The following KCNT2 variants were observed in gnomAD, a reference collection of about 807,000 sequenced individuals.
KCNT2 encodes the protein potassium channel subfamily T member 2.
Under a neutral mutation model 153.8 loss-of-function variants are expected in KCNT2, and 67 were observed. That is an observed-to-expected ratio of 0.44 (90% confidence interval 0.36 to 0.53). The LOEUF (loss-of-function observed/expected upper bound fraction) is 0.53. KCNT2 is among the 20% of genes least tolerant of loss of function. KCNT2 has a pLI of 0.00. For synonymous variants in KCNT2, 500 were observed against 458.8 expected (o/e 1.09, Z -1.15); for missense variants, 975 against 1,354.8 (o/e 0.72, Z 4.40).
intron 12 of KCNT2, among the ~76,000 whole-genome samples, chr1:196,411,529 T>C (rs1672338869): frequency 6.6e-6 from 1 of 151,434 alleles, no homozygotes; most frequent in African/African-American, 2.4e-5. Context: ...TTTCCATTTA[T>C]TTATGTCTCC....
chr1:196,398,681 T>A lies in KCNT2; in HGVS notation c.1186-10A>T. On this transcript the variant is annotated splice_polypyrimidine_tract_variant and intron_variant, in intron 12 of 27. Transcript: ENST00000294725. The stretch of plus-strand genomic sequence containing the variant: ...AAATTGTTTGGTGATCCTGAAGTGA[T>A]CAAAATAAAAACATCATAGCATAAG... 1 of 1,426,078 alleles carries A rather than the reference T, an allele frequency of 7.0e-7. No individual in the cohort carries two copies. Among genetic ancestry groups the A allele is most frequent in the Non-Finnish European group, 9.8e-7 (1 of 1,018,728 alleles). The allele number at this position is 1,426,078 out of a possible 1,614,324, so 88.3% of individuals were successfully genotyped here. A position where few individuals can be genotyped will look rare whatever the true frequency, so the allele number is the denominator to read the frequency against.
chr1:196,245,427 A>G (rs1655351934), intron 26 of KCNT2, among the ~76,000 whole-genome samples: 1 of 152,196 alleles, frequency 6.6e-6, no homozygotes, highest in Non-Finnish European at 1.5e-5. Context: ...ATTGCAAAGA[A>G]TACAATAAAT....
chr1:196,463,240 G>T (rs1237105844), intron 8 of KCNT2, among the ~76,000 whole-genome samples: 1 of 151,700 alleles, frequency 6.6e-6, no homozygotes, highest in Non-Finnish European at 1.5e-5. Context: ...CAGCCTGCAT[G>T]ACATACTATG....
chr1:196,390,909 A>T (rs946753), intron 13 of KCNT2, among the ~76,000 whole-genome samples: 54,824 of 109,682 alleles, frequency 0.5, 12,813 homozygotes, highest in East Asian at 0.81. Context: ...TTTTTTTTTT[A>T]AAAAAAAACA....
At position 196,484,319 on chromosome 1, in the gene KCNT2, C is replaced by CT. The variant is rs201616802; in HGVS notation, c.276-1941dup. On this transcript the variant is annotated intron_variant, in intron 3 of 27. Transcript: ENST00000294725. ...ATATGTTCATTGGCTGTGTAAATGT[C>CT]TTTTTTTTTGAGAATTGTATGTTCA... Among the ~76,000 whole-genome samples the CT allele has an allele frequency of 6.4e-4, 96 of 149,826 alleles. 1 individual carries two copies. Among genetic ancestry groups the CT allele is most frequent in the Admixed American group, 2.8e-3 (42 of 15,018 alleles).
intron 8 of KCNT2, among the ~76,000 whole-genome samples, chr1:196,434,960 C>T (rs1487514827): frequency 6.6e-6 from 1 of 151,164 alleles, no homozygotes; most frequent in African/African-American, 2.4e-5. Flanking sequence ...ATCTTACATC[C>T]TCCATTTCTC....
At chr1:196,355,904 G>A (rs1387254417) in intron 14 of KCNT2, among the ~76,000 whole-genome samples, 1 of 151,654 alleles carries the variant, frequency 6.6e-6, no homozygotes, top group East Asian at 1.9e-4. Flanking sequence ...ATCACAGCCT[G>A]CTTGCTTAGT....
At chr1:196,410,037 T>A (rs1202491038) in intron 12 of KCNT2, among the ~76,000 whole-genome samples, 1 of 151,700 alleles carries the variant, frequency 6.6e-6, no homozygotes. Context: ...ATTTCCCTGA[T>A]AATTAATGAT....
chr1:196,597,156 G>C (rs902300795), intron 1 of KCNT2, among the ~76,000 whole-genome samples: 1 of 151,968 alleles, frequency 6.6e-6, no homozygotes, highest in African/African-American at 2.4e-5. Flanking sequence ...TCCATCAAAG[G>C]ACAGCCATTC....
intron 1 of KCNT2, among the ~76,000 whole-genome samples, chr1:196,552,774 ATAGT>A (rs1333343643): frequency 1.3e-5 from 2 of 151,426 alleles, no homozygotes; most frequent in Non-Finnish European, 3.0e-5. Flanking sequence ...GCAGGGAAAT[ATAGT>A]TAAAGTGTAG....
At chr1:196,426,711 T>A (rs1291647455) in intron 10 of KCNT2, among the ~76,000 whole-genome samples, 2 of 151,776 alleles carry the variant, frequency 1.3e-5, no homozygotes, top group African/African-American at 4.8e-5. Context: ...TAGATAAAGT[T>A]AATGACTGTA....
intron 8 of KCNT2, among the ~76,000 whole-genome samples, chr1:196,442,298 A>C (rs1675303876): frequency 6.6e-6 from 1 of 151,808 alleles, no homozygotes; most frequent in Non-Finnish European, 1.5e-5. Context: ...CTTCTTGGAA[A>C]ACTTATAGGA....
chr1:196,236,936 TTTTCAG>T (rs1254751043), intron 26 of KCNT2, among the ~76,000 whole-genome samples: 1,633 of 151,612 alleles, frequency 0.011, 32 homozygotes, highest in African/African-American at 0.035. Context: ...ATGGGTAAAG[TTTTCAG>T]TCTATGAGAA....
intron 25 of KCNT2, among the ~76,000 whole-genome samples, chr1:196,279,929 G>A (rs1658936904): frequency 6.6e-6 from 1 of 152,014 alleles, no homozygotes; most frequent in African/African-American, 2.4e-5. Context: ...GTCACTAGGT[G>A]GTTTAATGAT....
intron 12 of KCNT2, among the ~76,000 whole-genome samples, chr1:196,419,032 A>G (rs1672976792): frequency 6.6e-6 from 1 of 152,124 alleles, no homozygotes; most frequent in Non-Finnish European, 1.5e-5. Flanking sequence ...GGATCCCCTG[A>G]GGCTACTTCT....
chr1:196,437,302 A>C (rs1239444798), intron 8 of KCNT2, among the ~76,000 whole-genome samples: 3 of 132,022 alleles, frequency 2.3e-5, no homozygotes, highest in South Asian at 4.5e-4. Context: ...ATATATATAA[A>C]TATATTTATA....
chr1:196,312,493 T>G (rs1366868060), intron 21 of KCNT2, among the ~76,000 whole-genome samples: 1 of 151,818 alleles, frequency 6.6e-6, no homozygotes, highest in Admixed American at 6.6e-5. Context: ...TAGGTCGTTC[T>G]AGGACTCTCA....
At chr1:196,260,095 T>C (rs1656869085) in intron 25 of KCNT2, among the ~76,000 whole-genome samples, 1 of 151,436 alleles carries the variant, frequency 6.6e-6, no homozygotes, top group Non-Finnish European at 1.5e-5. Flanking sequence ...ATTTAGAGAC[T>C]TGCTTGCAGA....
chr1:196,494,852 AT>A (rs1488797911), intron 1 of KCNT2, among the ~76,000 whole-genome samples: 1 of 152,198 alleles, frequency 6.6e-6, no homozygotes, highest in African/African-American at 2.4e-5. Flanking sequence ...TAAATAGAAT[AT>A]TAGATAAATG....
Sources: allele counts gnomAD v4.1 joint callset (sites outside exome capture counted in the v4.1 genomes callset), GRCh38; gene constraint gnomAD v4.1.1; transcripts MANE v1.5; gene names NCBI Gene and HGNC (gene_info 2026-07-23, HGNC 2026-07-21).